Variants in HOXC5 observed in about 807,000 individuals in gnomAD.
The protein encoded by HOXC5 is homeobox protein Hox-C5.
A neutral mutation model predicts 20.1 loss-of-function variants in HOXC5; 19 were observed. The ratio of observed to expected loss-of-function variants is 0.94; its 90% CI spans 0.66 to 1.38. The LOEUF is 1.38. HOXC5 is among the 40% of genes most tolerant of loss of function. The pLI is 0.00. For missense variants in HOXC5, 330 were observed against 300.1 expected (o/e 1.10, Z -0.74); for synonymous variants, 124 against 117.0 (o/e 1.06, Z -0.39).
At chr12:54,028,958 C>T (rs1940857482), upstream of HOXC5, 1 of 1,556,330 alleles carries the variant, frequency 6.4e-7, no homozygotes, top group South Asian at 1.2e-5. Context: ...ATTAAATAAA[C>T]TGAACTGGCT....
chr12:54,017,710 C>G, the HOXC5 span, among the ~76,000 whole-genome samples: 66 of 152,250 alleles, frequency 4.3e-4, 1 homozygote, highest in African/African-American at 1.5e-3. Context: ...GGCGCCAGCT[C>G]TCTGCTGCCC....
the HOXC5 span, among the ~76,000 whole-genome samples, chr12:54,027,788 G>A: frequency 3.9e-5 from 6 of 152,128 alleles, no homozygotes; most frequent in Non-Finnish European, 8.8e-5. Flanking sequence ...ACTGTACCCT[G>A]AAGTCTTGCC....
Position 54,035,115 on chromosome 12 carries a change from T to C in HOXC5, c.*623T>C. 1 of 154,130 alleles carries C rather than the reference T, an allele frequency of 6.5e-6. No homozygotes were observed. The highest frequency in any genetic ancestry group is 1.4e-5 in the Non-Finnish European group (1 of 69,118). 9.5% of individuals were successfully genotyped at this position (154,130 alleles called of 1,614,324 possible). A position where few individuals can be genotyped will look rare whatever the true frequency, so the allele number is the denominator to read the frequency against. ...CTCTTCCCCCCAAAACCCGGGAACCTCCCCAGCCTGCGCCTGCTGCATGCC... is the reference window on the plus strand; with the variant it reads ...CTCTTCCCCCCAAAACCCGGGAACCCCCCCAGCCTGCGCCTGCTGCATGCC... On this transcript the variant is annotated 3_prime_UTR_variant, in exon 2 of 2. Coordinates refer to ENST00000312492, the MANE Select transcript of HOXC5 (RefSeq NM_018953.4).
Position 54,033,141 on chromosome 12 carries a change from A to C in HOXC5, c.19A>C (p.Asn7His), listed in dbSNP as rs897255075. MSSYVA[N>H]SFYKQSPNIP... ...CCCCGCCATGAGCTCCTACGTAGCC[A>C]ATTCATTCTATAAGCAGAGCCCCAA... Residue 7 changes from asparagine (N) to histidine (H), a missense_variant, in exon 1 of 2, where the codon AAT (asparagine) becomes CAT (histidine). Transcript: ENST00000312492. 6.2e-7 allele frequency: 1 copy of C among 1,610,056 alleles called. No individual in the cohort carries two copies. The highest frequency in any genetic ancestry group is 1.3e-5 in the African/African-American group (1 of 74,854).
chr12:54,033,167 T>C lies in HOXC5; in HGVS notation c.45T>C (p.Asn15=), dbSNP rs774926007. 3.7e-6 allele frequency: 6 copies of C among 1,614,098 alleles called. No homozygotes were observed. Among genetic ancestry groups the C allele is most frequent in the Non-Finnish European group, 5.1e-6 (6 of 1,179,982 alleles). ...ATTCATTCTATAAGCAGAGCCCCAA[T>C]ATCCCTGCCTATAACATGCAAACTT... The part of the protein sequence containing the change: ...VANSFYKQSP[N]IPAYNMQTCG... The change falls in exon 1 of 2, where the codon AAT becomes AAC. Residue 15 remains asparagine (N), a synonymous_variant. Coordinates refer to ENST00000312492, the MANE Select transcript of HOXC5 (RefSeq NM_018953.4).
upstream of HOXC5, chr12:54,033,003 A>G: frequency 1.3e-6 from 1 of 753,244 alleles, no homozygotes; most frequent in Non-Finnish European, 2.2e-6. Context: ...AGGATAAAGA[A>G]AGAGATATCT....
chr12:54,018,568 G>C, the HOXC5 span, among the ~76,000 whole-genome samples: 46 of 152,344 alleles, frequency 3.0e-4, no homozygotes, highest in African/African-American at 1.1e-3. Flanking sequence ...GACGCATATG[G>C]TTTCATAACA....
At chr12:54,030,156 C>T (rs141463318), upstream of HOXC5, 1 of 545,364 alleles carries the variant, frequency 1.8e-6, no homozygotes, top group Non-Finnish European at 3.2e-6. Flanking sequence ...TCTTTCACCA[C>T]GCGCCTCCTC....
chr12:54,031,272 C>T (rs1430172034), upstream of HOXC5, among the ~76,000 whole-genome samples: 4 of 152,188 alleles, frequency 2.6e-5, no homozygotes, highest in Non-Finnish European at 2.9e-5. Flanking sequence ...AGAGCAAGCC[C>T]CAGGCCCGCG....
Position 54,034,514 on chromosome 12 carries a change from G to A in HOXC5, c.*22G>A, listed in dbSNP as rs779980223. The stretch of plus-strand genomic sequence containing the variant: ...TTAGAGGCAGCGGGGGAGGCCCGCA[G>A]AGCGCGCCCCTAGCCGGTTCCTGTC... On this transcript the variant is annotated 3_prime_UTR_variant, in exon 2 of 2. Coordinates refer to ENST00000312492, the MANE Select transcript of HOXC5 (RefSeq NM_018953.4). 1 of 1,598,740 alleles carries A rather than the reference G, an allele frequency of 6.3e-7. No individual in the cohort carries two copies. The highest frequency in any genetic ancestry group is 1.1e-5 in the South Asian group (1 of 90,678).
the HOXC5 span, among the ~76,000 whole-genome samples, chr12:54,027,697 G>T: frequency 6.6e-6 from 1 of 151,998 alleles, no homozygotes; most frequent in Non-Finnish European, 1.5e-5. Flanking sequence ...CCCAACAGAG[G>T]GGTCCTGAGA....
the HOXC5 span, among the ~76,000 whole-genome samples, chr12:54,027,235 G>A: frequency 3.3e-5 from 5 of 152,164 alleles, no homozygotes; most frequent in Admixed American, 2.0e-4. Flanking sequence ...TTGCTGAGAG[G>A]CCCATCCCCA....
chr12:54,028,998 GGA>G (rs1351169619), upstream of HOXC5: 3 of 1,423,406 alleles, frequency 2.1e-6, no homozygotes, highest in Non-Finnish European at 2.8e-6. Context: ...AAGAACGGGC[GGA>G]GAGAGTTTTT....
upstream of HOXC5, chr12:54,030,701 G>A (rs1160374878): frequency 6.6e-6 from 1 of 152,648 alleles, no homozygotes; most frequent in African/African-American, 2.4e-5. Flanking sequence ...AATGACGTTT[G>A]TTTAGCCAGT....
At chr12:54,023,475 C>A in the HOXC5 span, among the ~76,000 whole-genome samples, 3 of 152,082 alleles carry the variant, frequency 2.0e-5, no homozygotes, top group African/African-American at 7.2e-5. Flanking sequence ...CTTTCTTCTC[C>A]GTTTAATTGT....
At chr12:54,029,189 C>G (rs1940870599), upstream of HOXC5, among the ~76,000 whole-genome samples, 2 of 151,902 alleles carry the variant, frequency 1.3e-5, no homozygotes, top group Admixed American at 6.6e-5. Flanking sequence ...GGGGAGGGAG[C>G]AGAAGATAGG....
At chr12:54,021,712 C>G in the HOXC5 span, 1 of 152,300 alleles carries the variant, frequency 6.6e-6, no homozygotes, top group Non-Finnish European at 1.5e-5. Flanking sequence ...TCACCCCAGG[C>G]ACTGGGGTGA....
At chr12:54,027,232 G>A in the HOXC5 span, among the ~76,000 whole-genome samples, 1 of 152,176 alleles carries the variant, frequency 6.6e-6, no homozygotes, top group Non-Finnish European at 1.5e-5. Flanking sequence ...AGGTTGCTGA[G>A]AGGCCCATCC....
chr12:54,029,909 G>A (rs753211992), upstream of HOXC5: 1 of 1,607,554 alleles, frequency 6.2e-7, no homozygotes, highest in Non-Finnish European at 8.5e-7. Flanking sequence ...CGACAGCCTG[G>A]GCGGAAAAGA....
Sources: gnomAD v4.1 joint callset for allele counts (sites outside exome capture counted in the v4.1 genomes callset) on GRCh38, gnomAD v4.1.1 for gene constraint, MANE v1.5 for transcripts, NCBI Gene and HGNC (gene_info 2026-07-23, HGNC 2026-07-21) for gene names.